TAB1: variants seen among roughly 807,000 people sequenced by gnomAD.
TAB1 encodes TGF-beta-activated kinase 1 and MAP3K7-binding protein 1.
TAB1 carries 30 observed loss-of-function variants against 54.5 expected under a neutral mutation model. The observed-to-expected ratio is 0.55, with a 90% CI of 0.41 to 0.75. The LOEUF (loss-of-function observed/expected upper bound fraction) is 0.75, where lower values mean the gene tolerates loss of function less well. Among genes scored for constraint, TAB1 ranks in the 30% least tolerant of loss-of-function variants. TAB1 has a pLI of 0.00. For missense variants in TAB1, 609 were observed against 683.2 expected, an observed-to-expected ratio of 0.89 and a Z score of 1.21; for synonymous variants, 289 against 286.9, an observed-to-expected ratio of 1.01 and a Z score of -0.07.
chr22:39,430,325 A>G lies in TAB1; in HGVS notation c.*103A>G, dbSNP rs1039368484. 1.9e-6 allele frequency: 3 copies of G among 1,553,024 alleles called. No homozygotes were observed. Among genetic ancestry groups the G allele is most frequent in the East Asian group, 2.3e-5 (1 of 43,494 alleles). On this transcript the variant is annotated 3_prime_UTR_variant, in exon 11 of 11. Coordinates refer to ENST00000216160, the MANE Select transcript of TAB1 (RefSeq NM_006116.3). ...TGCCACAACGGCCAGCAGGTGCCCC[A>G]TCCTCTGCCCACAGCAGACTCTGTC...
At position 39,430,470 on chromosome 22, in the gene TAB1, C is replaced by T; in HGVS notation, c.*248C>T. ...AGATGGCCTCAGCCAGGACCATCGC[C>T]CTTTCTCAGAGCAGAGGGCCAGGTA... On this transcript the variant is annotated 3_prime_UTR_variant, in exon 11 of 11. Transcript: ENST00000216160. 7.2e-7 allele frequency: 1 copy of T among 1,392,764 alleles called. No homozygotes were observed. Among genetic ancestry groups the T allele is most frequent in the South Asian group, 1.5e-5 (1 of 65,884 alleles). The allele number at this position is 1,392,764 out of a possible 1,614,324, so 86.3% of individuals were successfully genotyped here. A position where few individuals can be genotyped will look rare whatever the true frequency, so the allele number is the denominator to read the frequency against.
chr22:39,417,815 C>T lies in TAB1; in HGVS notation c.516C>T (p.Val172=), dbSNP rs561284357. Residue 172 remains valine (V), a synonymous_variant, in exon 5 of 11, where the codon GTC becomes GTT. Coordinates refer to ENST00000216160, the MANE Select transcript of TAB1 (RefSeq NM_006116.3). ...GAGGGGCCATGGCCGTTGTGGCGGT[C>T]CTTCTCAACAACAAGCTCTACGTCG... ...ISGGAMAVVA[V]LLNNKLYVAN... 10 of 1,612,644 alleles carry T rather than the reference C, an allele frequency of 6.2e-6. No individual in the cohort carries two copies. In the Admixed American group the frequency reaches 8.4e-5, roughly 13 times the overall value.
chr22:39,417,633 A>G (rs1200574125), intron 4 of TAB1, 78 bp from the exon 5 acceptor site: 9 of 1,418,354 alleles, frequency 6.3e-6, no homozygotes, highest in East Asian at 2.6e-5. Flanking sequence ...AAAAAAAAAA[A>G]AGAGTAAAGG....
In TAB1 at chr22:39,428,172, C is replaced by T; in HGVS notation, c.1296C>T (p.Pro432=). The change falls in exon 10 of 11, where the codon CCC becomes CCT. Residue 432 remains proline (P), a synonymous_variant. Coordinates refer to ENST00000216160, the MANE Select transcript of TAB1 (RefSeq NM_006116.3). The stretch of plus-strand genomic sequence containing the variant: ...CTTCCACCCTGGACGAAGCCACCCC[C>T]ACCCTCACCAAGTAAGTCCCTTCCC... ...HSASTLDEAT[P]TLTNQSPTLT... 1.2e-6 allele frequency: 2 copies of T among 1,604,388 alleles called. No homozygotes were observed. The highest frequency in any genetic ancestry group is 1.1e-5 in the South Asian group (1 of 90,152).
chr22:39,430,341 A>T lies in TAB1; in HGVS notation c.*119A>T. 4 of 1,525,982 alleles carry T rather than the reference A, an allele frequency of 2.6e-6. No individual in the cohort carries two copies. In the South Asian group the frequency reaches 5.0e-5, roughly 19 times the overall value. 94.5% of individuals were successfully genotyped at this position (1,525,982 alleles called of 1,614,324 possible). On this transcript the variant is annotated 3_prime_UTR_variant, in exon 11 of 11. Transcript: ENST00000216160. ...AGGTGCCCCATCCTCTGCCCACAGC[A>T]GACTCTGTCCCATGGCTCTCCGGGC... is the stretch of plus-strand genomic sequence containing the variant.
At position 39,418,760 on chromosome 22, in the gene TAB1, G is replaced by A. The variant is rs116997059; in HGVS notation, c.579G>A (p.Ser193=). 1.5e-4 allele frequency: 236 copies of A among 1,613,972 alleles called. No individual in the cohort carries two copies. Among genetic ancestry groups the A allele is most frequent in the Admixed American group, 2.2e-4 (13 of 59,994 alleles). The change falls in exon 6 of 11, where the codon TCG becomes TCA. Residue 193 remains serine (S), a synonymous_variant. Transcript: ENST00000216160. ...VGTNRALLCK[S]TVDGLQVTQL... is the part of the protein sequence containing the mutation. ...CAAACCGTGCACTTTTATGCAAATC[G>A]ACAGTGGATGGGTTGCAGGTGACAC...
At chr22:39,403,274 T>C (rs1239297274) in intron 1 of TAB1, among the ~76,000 whole-genome samples, 1 of 152,258 alleles carries the variant, frequency 6.6e-6, no homozygotes, top group Non-Finnish European at 1.5e-5. Context: ...CAGGTGGTGC[T>C]ATGAGGAACA....
downstream of TAB1, among the ~76,000 whole-genome samples, chr22:39,432,056 G>A (rs191030531): frequency 2.7e-4 from 40 of 150,560 alleles, no homozygotes; most frequent in African/African-American, 9.2e-4. Context: ...CCACAGCCCC[G>A]GGGAAACATG....
downstream of TAB1, among the ~76,000 whole-genome samples, chr22:39,435,822 G>A (rs1004455940): frequency 6.6e-6 from 1 of 152,144 alleles, no homozygotes; most frequent in East Asian, 1.9e-4. Context: ...AGGTGGGGCT[G>A]ACAGCCTCCC....
At chr22:39,405,089 C>T (rs1569192504) in intron 1 of TAB1, among the ~76,000 whole-genome samples, 1 of 152,192 alleles carries the variant, frequency 6.6e-6, no homozygotes, top group Non-Finnish European at 1.5e-5. Flanking sequence ...CTTTTCATAG[C>T]ATAATTTGGT....
chr22:39,429,000 A>G (rs1171043671), intron 10 of TAB1: 2 of 950,572 alleles, frequency 2.1e-6, no homozygotes, highest in Non-Finnish European at 2.5e-6. Flanking sequence ...TGGCCTCTCC[A>G]GCACCCCTGC....
intron 1 of TAB1, among the ~76,000 whole-genome samples, chr22:39,411,964 G>T (rs1207357097): frequency 6.6e-6 from 1 of 152,226 alleles, no homozygotes; most frequent in Non-Finnish European, 1.5e-5. Context: ...AATGTTGAGT[G>T]AAAGAAGCCA....
chr22:39,418,569 C>T (rs1324844584), intron 5 of TAB1, among the ~76,000 whole-genome samples, 163 bp from the exon 6 acceptor site: 1 of 152,148 alleles, frequency 6.6e-6, no homozygotes, highest in African/African-American at 2.4e-5. Flanking sequence ...TTCGTATCAC[C>T]AGCTGTCCCT....
chr22:39,414,936 G>GGAAT (rs1444111966), intron 1 of TAB1, 70 bp from the exon 2 acceptor site: 75 of 1,591,110 alleles, frequency 4.7e-5, no homozygotes, highest in Non-Finnish European at 6.3e-5. Flanking sequence ...TGTTGCAGAA[G>GGAAT]GAATAGGTGA....
At chr22:39,401,746 G>A (rs1926153211) in intron 1 of TAB1, among the ~76,000 whole-genome samples, 1 of 152,182 alleles carries the variant, frequency 6.6e-6, no homozygotes, top group South Asian at 2.1e-4. Flanking sequence ...GCAAAGGGAT[G>A]GCAGGGATGT....
intron 5 of TAB1, 50 bp from the exon 6 acceptor site, chr22:39,418,682 T>C: frequency 1.5e-6 from 2 of 1,365,016 alleles, no homozygotes; most frequent in Non-Finnish European, 2.1e-6. Flanking sequence ...CGGTATGCCC[T>C]ATTTCTCTCT....
At chr22:39,426,605 G>A (rs1015419196) in intron 8 of TAB1, 98 bp from the exon 9 acceptor site, 2 of 1,109,224 alleles carry the variant, frequency 1.8e-6, no homozygotes, top group African/African-American at 3.1e-5. Context: ...CTGGGCTGTT[G>A]ACCACTGAAT....
chr22:39,414,982 C>A, intron 1 of TAB1, 24 bp from the exon 2 acceptor site: 1 of 1,613,316 alleles, frequency 6.2e-7, no homozygotes, highest in East Asian at 2.2e-5. Flanking sequence ...TGGCGTCTCA[C>A]GGCTTCCTGG....
downstream of TAB1, among the ~76,000 whole-genome samples, chr22:39,433,982 TTC>T (rs1158077856): frequency 6.6e-6 from 1 of 151,848 alleles, no homozygotes; most frequent in African/African-American, 2.4e-5. Context: ...AGCAAGGGCT[TTC>T]TCTCTTATTC....
Sources: allele counts gnomAD v4.1 joint callset (sites outside exome capture counted in the v4.1 genomes callset), GRCh38; gene constraint gnomAD v4.1.1; transcripts MANE v1.5; gene names NCBI Gene and HGNC (gene_info 2026-07-23, HGNC 2026-07-21).